The following COMMD10 variants were observed in gnomAD, a reference collection of about 807,000 sequenced individuals.
The protein encoded by COMMD10 is COMM domain containing 10.
Under a neutral mutation model 28.9 loss-of-function variants are expected in COMMD10, and 33 were observed. The ratio of observed to expected loss-of-function variants is 1.14; its 90% confidence interval spans 0.87 to 1.53. The LOEUF (loss-of-function observed/expected upper bound fraction) is 1.53. Ranked by LOEUF, COMMD10 falls within the 40% of genes most tolerant of loss-of-function variation. The pLI, the probability that COMMD10 is intolerant of heterozygous loss-of-function variation, is 0.00. For missense variants in COMMD10, 310 were observed against 233.4 expected, an observed-to-expected ratio of 1.33 and a Z score of -2.14; for synonymous variants, 110 against 81.7, an observed-to-expected ratio of 1.35 and a Z score of -1.87.
At chr5:116,086,213 G>A (rs934663434) in intron 1 of COMMD10, among the ~76,000 whole-genome samples, 1 of 152,204 alleles carries the variant, frequency 6.6e-6, no homozygotes, top group Non-Finnish European at 1.5e-5. Context: ...CATAGCTGAA[G>A]TGGGAATCAG....
Position 116,255,388 on chromosome 5 carries a change from T to C in COMMD10, c.511-36129T>C, listed in dbSNP as rs6878817. On this transcript the variant is annotated intron_variant, in intron 5 of 6. Coordinates refer to ENST00000274458, the MANE Select transcript of COMMD10 (RefSeq NM_016144.4). The stretch of plus-strand genomic sequence containing the variant: ...CTCGTTAGTTGATGCAGTTTCTTCC[T>C]AGTCTTGATGGTCGTTACATTTTGG... 4.3e-3 allele frequency among the ~76,000 whole-genome samples: 649 copies of C among 151,874 alleles called. 15 individuals are homozygous for C. The highest frequency in any genetic ancestry group is 0.014 in the African/African-American group (595 of 41,250).
chr5:116,107,053 T>A (rs1750862735), intron 4 of COMMD10, among the ~76,000 whole-genome samples: 1 of 151,400 alleles, frequency 6.6e-6, no homozygotes, highest in African/African-American at 2.4e-5. Context: ...CCATTAGGGT[T>A]TCTGCTGAGA....
intron 4 of COMMD10, among the ~76,000 whole-genome samples, chr5:116,127,424 A>G (rs556488464): frequency 7.9e-5 from 12 of 152,208 alleles, no homozygotes; most frequent in South Asian, 4.2e-4. Context: ...TCCCATTACT[A>G]GGTATATACC....
At chr5:116,148,913 C>A (rs1752425739) in intron 5 of COMMD10, among the ~76,000 whole-genome samples, 1 of 151,786 alleles carries the variant, frequency 6.6e-6, no homozygotes, top group Non-Finnish European at 1.5e-5. Flanking sequence ...AGGTTAGTTA[C>A]ATATGTATAC....
chr5:116,088,492 A>T (rs1750195801), intron 2 of COMMD10, among the ~76,000 whole-genome samples: 1 of 152,208 alleles, frequency 6.6e-6, no homozygotes, highest in Admixed American at 6.5e-5. Flanking sequence ...ACAGTGTTCA[A>T]AGCCATCAGT....
intron 5 of COMMD10, among the ~76,000 whole-genome samples, chr5:116,201,329 T>A (rs933973110): frequency 6.6e-6 from 1 of 152,166 alleles, no homozygotes. Flanking sequence ...GAGAACCAGA[T>A]CAAGTTTCTG....
chr5:116,097,717 T>A lies in COMMD10; in HGVS notation c.399+5017T>A, dbSNP rs563808515. Reference sequence around the variant, plus strand: ...ACGGGAAGCATGATGTGCTGGCATCTGCTTGGCTTCTGGGGAGGCCTCAGG... The same window carrying A: ...ACGGGAAGCATGATGTGCTGGCATCAGCTTGGCTTCTGGGGAGGCCTCAGG... On this transcript the variant is annotated intron_variant, in intron 4 of 6. Transcript: ENST00000274458. Among the ~76,000 whole-genome samples the A allele has an allele frequency of 2.0e-5, 3 of 152,268 alleles. No individual in the cohort carries two copies. In the East Asian group the frequency reaches 5.8e-4, roughly 29 times the overall value.
At chr5:116,191,666 A>T (rs891856136) in intron 5 of COMMD10, among the ~76,000 whole-genome samples, 1 of 151,658 alleles carries the variant, frequency 6.6e-6, no homozygotes, top group Non-Finnish European at 1.5e-5. Context: ...GAGCTCAGAC[A>T]TACCTAGCCC....
In COMMD10 at chr5:116,225,419, G is replaced by A. The variant is rs188451022; in HGVS notation, c.511-66098G>A. 2.2e-5 allele frequency among the ~76,000 whole-genome samples: 3 copies of A among 135,240 alleles called. No homozygotes were observed. The East Asian group carries it at 7.3e-4, about 33-fold the overall frequency. 88.7% of individuals were successfully genotyped at this position (135,240 alleles called of 152,430 possible). ...GAAAACTAGACATTGGGAAACATATGGTGAAATGACTCTGGGTTCTGTCAT... is the reference window on the plus strand; with the variant it reads ...GAAAACTAGACATTGGGAAACATATAGTGAAATGACTCTGGGTTCTGTCAT... On this transcript the variant is annotated intron_variant, in intron 5 of 6. Coordinates refer to ENST00000274458, the MANE Select transcript of COMMD10 (RefSeq NM_016144.4).
chr5:116,101,417 T>TA (rs534005011), intron 4 of COMMD10, among the ~76,000 whole-genome samples: 1 of 151,828 alleles, frequency 6.6e-6, no homozygotes, highest in African/African-American at 2.4e-5. Flanking sequence ...CTTTTTTATT[T>TA]TTTATTTATT....
rs143594969 is a variant in COMMD10, at chr5:116,166,533, G to T, written c.510+32355G>T. On this transcript the variant is annotated intron_variant, in intron 5 of 6. Coordinates refer to ENST00000274458, the MANE Select transcript of COMMD10 (RefSeq NM_016144.4). ...CTCCTCAAGTGGGTCCCCGGCCCCC[G>T]TGCCTCCTGATGGGGTGACACCTCC... 3.8e-3 allele frequency among the ~76,000 whole-genome samples: 579 copies of T among 152,278 alleles called. 3 individuals carry two copies. The highest frequency in any genetic ancestry group is 0.013 in the African/African-American group (536 of 41,572).
chr5:116,126,202 G>A (rs890791158), intron 4 of COMMD10, among the ~76,000 whole-genome samples: 2 of 152,072 alleles, frequency 1.3e-5, no homozygotes, highest in African/African-American at 4.8e-5. Context: ...AAATACCTAG[G>A]AATCCAGCTT....
chr5:116,261,196 A>G (rs75791983), intron 5 of COMMD10, among the ~76,000 whole-genome samples: 3,347 of 151,840 alleles, frequency 0.022, 179 homozygotes, highest in African/African-American at 0.076. Flanking sequence ...ATTTGCCAAT[A>G]TAACTAGTTT....
chr5:116,259,895 C>G (rs1750395157), intron 5 of COMMD10, among the ~76,000 whole-genome samples: 1 of 151,570 alleles, frequency 6.6e-6, no homozygotes, highest in Admixed American at 6.6e-5. Context: ...TTTCTCTGAG[C>G]CTCTATAGCA....
At chr5:116,169,900 C>T (rs1459159580) in intron 5 of COMMD10, among the ~76,000 whole-genome samples, 1 of 152,090 alleles carries the variant, frequency 6.6e-6, no homozygotes, top group Non-Finnish European at 1.5e-5. Context: ...TGGGCAAAAG[C>T]TGGAAGTATT....
chr5:116,112,406 CT>C (rs1169776313), intron 4 of COMMD10, among the ~76,000 whole-genome samples: 3 of 149,896 alleles, frequency 2.0e-5, no homozygotes, highest in South Asian at 2.1e-4. Context: ...GATTTTTTTT[CT>C]TTTTTTTTGA....
intron 5 of COMMD10, among the ~76,000 whole-genome samples, chr5:116,168,606 C>T (rs898391562): frequency 6.6e-6 from 1 of 152,006 alleles, no homozygotes; most frequent in Non-Finnish European, 1.5e-5. Context: ...TCAGCAAATG[C>T]AAAAGAATGG....
At position 116,293,209 on chromosome 5, in the gene COMMD10, T is replaced by A; in HGVS notation, c.*720T>A. ...TGTAATGAGTGCTAAATGGGCACCA[T>A]TATTCGAATCAGATACCTTTTATAT... On this transcript the variant is annotated 3_prime_UTR_variant, in exon 7 of 7. Coordinates refer to ENST00000274458, the MANE Select transcript of COMMD10 (RefSeq NM_016144.4). 2.6e-6 allele frequency: 1 copy of A among 386,418 alleles called. No individual in the cohort carries two copies. Among genetic ancestry groups the A allele is most frequent in the East Asian group, 3.7e-5 (1 of 27,290 alleles). 23.9% of individuals were successfully genotyped at this position (386,418 alleles called of 1,614,324 possible).
intron 5 of COMMD10, among the ~76,000 whole-genome samples, chr5:116,242,513 G>T (rs560618200): frequency 1.3e-5 from 2 of 152,278 alleles, no homozygotes; most frequent in Non-Finnish European, 2.9e-5. Context: ...GAGAACTGGG[G>T]TTTAGATTGA....
Sources: allele counts gnomAD v4.1 joint callset (sites outside exome capture counted in the v4.1 genomes callset), GRCh38; gene constraint gnomAD v4.1.1; transcripts MANE v1.5; gene names NCBI Gene and HGNC (gene_info 2026-07-23, HGNC 2026-07-21).